The following THSD4 variants were observed in gnomAD, a reference collection of about 807,000 sequenced individuals.
THSD4 encodes the protein thrombospondin type 1 domain containing 4.
In THSD4, 69 loss-of-function variants were observed where a neutral mutation model predicts 119.0. The ratio of observed to expected loss-of-function variants is 0.58; its 90% confidence interval spans 0.48 to 0.71. The LOEUF is 0.71. THSD4 is among the 30% of genes least tolerant of loss of function. The pLI is 0.00. For synonymous variants in THSD4, 524 were observed against 540.4 expected (o/e 0.97, Z 0.42); for missense variants, 1,393 against 1,391.1 (o/e 1.00, Z -0.02).
intron 4 of THSD4, among the ~76,000 whole-genome samples, chr15:71,215,909 G>A (rs951622265): frequency 6.6e-6 from 1 of 152,218 alleles, no homozygotes; most frequent in Admixed American, 6.5e-5. Context: ...AAGTTTCTCC[G>A]AAGTTTTTTG....
chr15:71,256,842 A>C, intron 6 of THSD4, 127 bp downstream of exon 6: 1 of 773,442 alleles, frequency 1.3e-6, no homozygotes. Context: ...AGAAAGTGTG[A>C]CTCCAGGGCA....
intron 7 of THSD4, among the ~76,000 whole-genome samples, chr15:71,471,588 C>T (rs966758385): frequency 2.6e-5 from 4 of 151,672 alleles, no homozygotes; most frequent in African/African-American, 7.3e-5. Flanking sequence ...ATGTGAAAGG[C>T]GAAGTATGAT....
Position 71,243,089 on chromosome 15 carries a change from A to C in THSD4, c.905A>C (p.Asn302Thr), listed in dbSNP as rs750254743. Residue 302 changes from asparagine (N) to threonine (T), a missense_variant, in exon 5 of 18, where the codon AAC (asparagine) becomes ACC (threonine). Asn to Thr is a moderately conservative substitution (Grantham distance 65, BLOSUM62 0). Transcript: ENST00000261862. ...IGAYRQYKLCNTNVCPESSRS... is the reference protein window; with the variant it reads ...IGAYRQYKLCTTNVCPESSRS... ...GCCTATCGGCAGTACAAGCTGTGCA[A>C]CACCAACGTGAGTACACACAACCCA... 6.2e-7 allele frequency: 1 copy of C among 1,611,946 alleles called. No individual in the cohort carries two copies. The highest frequency in any genetic ancestry group is 1.1e-5 in the South Asian group (1 of 90,728).
In THSD4 at chr15:71,372,406, G is replaced by A. The variant is rs558785003; in HGVS notation, c.1016-39281G>A. 2.2e-4 allele frequency among the ~76,000 whole-genome samples: 34 copies of A among 152,268 alleles called. No individual in the cohort carries two copies. The South Asian group carries it at 6.6e-3, about 30-fold the overall frequency. ...TGCTCTGTTTTTTCCCCATCTTTGT[G>A]GTTTCATCTACTTTTGGTCTTTGAT... On this transcript the variant is annotated intron_variant, in intron 6 of 17. Coordinates refer to ENST00000261862, the MANE Select transcript of THSD4 (RefSeq NM_024817.3).
chr15:71,671,037 C>T (rs569156652), intron 8 of THSD4, among the ~76,000 whole-genome samples: 21 of 151,510 alleles, frequency 1.4e-4, no homozygotes, highest in African/African-American at 4.3e-4. Context: ...GGCTGGGTCT[C>T]TAGATCCTTG....
At position 71,748,557 on chromosome 15, in the gene THSD4, G is replaced by T. The variant is rs2053384676; in HGVS notation, c.2378G>T (p.Cys793Phe). 1 of 1,614,078 alleles carries T rather than the reference G, an allele frequency of 6.2e-7. No homozygotes were observed. Among genetic ancestry groups the T allele is most frequent in the African/African-American group, 1.3e-5 (1 of 74,924 alleles). The change falls in exon 14 of 18, where the codon TGT becomes TTT. Residue 793 changes from cysteine to phenylalanine, a missense_variant. Physicochemically the swap from Cys to Phe is radical, Grantham distance 205. Coordinates refer to ENST00000261862, the MANE Select transcript of THSD4 (RefSeq NM_024817.3). Reference sequence around the variant, plus strand: ...ATTGAGAACTGCGACATGGGACCCTGTGCCAAGAGCTGGTTCCTCACCGAG... The same window carrying T: ...ATTGAGAACTGCGACATGGGACCCTTTGCCAAGAGCTGGTTCCTCACCGAG... Reference protein sequence around the residue: ...NDIENCDMGPCAKSWFLTEWS... With the variant: ...NDIENCDMGPFAKSWFLTEWS...
intron 7 of THSD4, among the ~76,000 whole-genome samples, chr15:71,604,257 A>G (rs765264828): frequency 6.6e-6 from 1 of 152,200 alleles, no homozygotes. Flanking sequence ...CTCCCACTTT[A>G]GGAAGGCAAG....
At chr15:71,474,185 C>T (rs1418726956) in intron 7 of THSD4, among the ~76,000 whole-genome samples, 2 of 152,048 alleles carry the variant, frequency 1.3e-5, no homozygotes, top group African/African-American at 4.8e-5. Context: ...CAAATGGGAA[C>T]ATTACAGCAC....
At chr15:71,727,037 C>T (rs2052854708) in intron 8 of THSD4, among the ~76,000 whole-genome samples, 1 of 152,076 alleles carries the variant, frequency 6.6e-6, no homozygotes, top group South Asian at 2.1e-4. Context: ...CCAGATGCCA[C>T]CCTTTCTTCT....
At chr15:71,536,295 C>G (rs981212957) in intron 7 of THSD4, among the ~76,000 whole-genome samples, 3 of 152,196 alleles carry the variant, frequency 2.0e-5, no homozygotes, top group African/African-American at 7.2e-5. Context: ...TTCCTTGGTT[C>G]CCAGGTCCCC....
chr15:71,380,115 G>T (rs542644909), intron 6 of THSD4, among the ~76,000 whole-genome samples: 2 of 152,218 alleles, frequency 1.3e-5, no homozygotes, highest in East Asian at 3.9e-4. Context: ...CCAAAGTTAG[G>T]TTTTCATTTT....
At chr15:71,128,626 A>G (rs2040475828) in intron 1 of THSD4, among the ~76,000 whole-genome samples, 1 of 152,226 alleles carries the variant, frequency 6.6e-6, no homozygotes, top group Non-Finnish European at 1.5e-5. Flanking sequence ...ACTCAGTGAA[A>G]TACTGGTTGA....
chr15:71,289,961 G>A (rs1265433175), intron 6 of THSD4, among the ~76,000 whole-genome samples: 2 of 152,104 alleles, frequency 1.3e-5, no homozygotes, highest in Non-Finnish European at 2.9e-5. Flanking sequence ...AGAATGAGAT[G>A]ATGGTGCCCG....
chr15:71,444,969 A>G (rs1169528690), intron 7 of THSD4, among the ~76,000 whole-genome samples: 3 of 152,154 alleles, frequency 2.0e-5, no homozygotes, highest in Non-Finnish European at 4.4e-5. Context: ...GGCATTCAGT[A>G]TGTTCCATGA....
intron 6 of THSD4, among the ~76,000 whole-genome samples, chr15:71,258,036 T>A (rs1200325522): frequency 1.3e-5 from 2 of 152,078 alleles, no homozygotes; most frequent in Non-Finnish European, 2.9e-5. Flanking sequence ...TTATGTTAAA[T>A]TTAAGGTGGT....
intron 7 of THSD4, among the ~76,000 whole-genome samples, chr15:71,497,156 C>T (rs141832915): frequency 1.1e-4 from 17 of 152,282 alleles, no homozygotes; most frequent in South Asian, 4.1e-4. Context: ...TACCATTATA[C>T]AGGCGAATGT....
intron 8 of THSD4, among the ~76,000 whole-genome samples, chr15:71,700,804 T>C (rs1273368340): frequency 6.6e-6 from 1 of 151,886 alleles, no homozygotes; most frequent in Admixed American, 6.6e-5. Flanking sequence ...AGGAAACAAC[T>C]CAATAATCAG....
At chr15:71,735,180 C>T (rs924569059) in intron 10 of THSD4, among the ~76,000 whole-genome samples, 13 of 152,172 alleles carry the variant, frequency 8.5e-5, no homozygotes, top group African/African-American at 3.1e-4. Context: ...CTAGACCCCC[C>T]TGGTGGTCTG....
Position 71,607,513 on chromosome 15 carries a change from G to A in THSD4, c.1153-53017G>A, listed in dbSNP as rs569107417. Among the ~76,000 whole-genome samples, 11 of 152,288 alleles carry A rather than the reference G, an allele frequency of 7.2e-5. No individual in the cohort carries two copies. The East Asian group carries it at 2.1e-3, about 29-fold the overall frequency. On this transcript the variant is annotated intron_variant, in intron 7 of 17. Coordinates refer to ENST00000261862, the MANE Select transcript of THSD4 (RefSeq NM_024817.3). Reference sequence around the variant, plus strand: ...ACTTGAAGTAGTTCCCTGTCATTCCGGTGAAACAGACGTGTGTGGTCATCA... The same window carrying A: ...ACTTGAAGTAGTTCCCTGTCATTCCAGTGAAACAGACGTGTGTGGTCATCA...
Sources: allele counts gnomAD v4.1 joint callset (sites outside exome capture counted in the v4.1 genomes callset), GRCh38; gene constraint gnomAD v4.1.1; transcripts MANE v1.5; gene names NCBI Gene and HGNC (gene_info 2026-07-23, HGNC 2026-07-21).